Variants in ERI3 observed in about 807,000 individuals in gnomAD.
The protein encoded by ERI3 is ERI1 exoribonuclease 3.
Under a neutral mutation model 44.4 loss-of-function variants are expected in ERI3, and 18 were observed. The observed-to-expected ratio is 0.41, with a 90% CI of 0.28 to 0.60. The LOEUF (loss-of-function observed/expected upper bound fraction) is 0.60. ERI3 is among the 20% of genes least tolerant of loss of function. The pLI is 0.36. For synonymous variants in ERI3, 183 were observed against 164.8 expected (o/e 1.11, Z -0.84); for missense variants, 294 against 435.5 (o/e 0.68, Z 2.89).
intron 7 of ERI3, among the ~76,000 whole-genome samples, chr1:44,261,947 C>T (rs1557797697): frequency 6.6e-6 from 1 of 152,208 alleles, no homozygotes. Context: ...TTTTCCTGCT[C>T]TTTCAGCAGA....
intron 6 of ERI3, among the ~76,000 whole-genome samples, chr1:44,289,085 C>T (rs1042030454): frequency 1.3e-5 from 2 of 152,222 alleles, no homozygotes; most frequent in African/African-American, 4.8e-5. Context: ...AAATTTTATG[C>T]ACCGAGTCCA....
chr1:44,352,080 A>C (rs1294326970), intron 2 of ERI3, among the ~76,000 whole-genome samples: 1 of 152,170 alleles, frequency 6.6e-6, no homozygotes, highest in Admixed American at 6.5e-5. Flanking sequence ...CTTGTTCACC[A>C]CTACAATCCC....
chr1:44,241,096 G>C lies in ERI3; in HGVS notation c.931+6843C>G, dbSNP rs1019422532. Among the ~76,000 whole-genome samples, 3 of 152,132 alleles carry C rather than the reference G, an allele frequency of 2.0e-5. No individual in the cohort carries two copies. The highest frequency in any genetic ancestry group is 4.4e-5 in the Non-Finnish European group (3 of 68,002). ...TGCCACTGGAGTGAAGGCTGTCTGTGCCACTCTAGGGATTGATTCTCAGGG... is the reference window on the plus strand; with the variant it reads ...TGCCACTGGAGTGAAGGCTGTCTGTCCCACTCTAGGGATTGATTCTCAGGG... On this transcript the variant is annotated intron_variant, in intron 8 of 8. Coordinates refer to ENST00000372257, the MANE Select transcript of ERI3 (RefSeq NM_024066.3). This position sits in a 1 kb window ranked among gnomAD's most constrained non-coding sequence, Gnocchi z 5.6.
At position 44,223,015 on chromosome 1, in the gene ERI3, C is replaced by G. The variant is rs803367; in HGVS notation, c.932-1375G>C. Among the ~76,000 whole-genome samples the G allele has an allele frequency of 3.3e-3, 498 of 152,340 alleles. 3 individuals carry two copies. The highest frequency in any genetic ancestry group is 0.011 in the African/African-American group (466 of 41,578). On this transcript the variant is annotated intron_variant, in intron 8 of 8. Coordinates refer to ENST00000372257, the MANE Select transcript of ERI3 (RefSeq NM_024066.3). ...CAGGCCCTGTATCACTAGCCAGATC[C>G]TAGCTCTGCAGAGCCTGCTTTGGGC... is the stretch of plus-strand genomic sequence containing the variant.
chr1:44,247,794 C>T (rs533779053), intron 8 of ERI3, 145 bp downstream of exon 8: 2 of 562,826 alleles, frequency 3.6e-6, no homozygotes, highest in Non-Finnish European at 6.1e-6. Flanking sequence ...TCATGCCACC[C>T]CCCTTCCACC....
intron 5 of ERI3, among the ~76,000 whole-genome samples, chr1:44,311,600 CAG>C (rs1645974374): frequency 6.6e-6 from 1 of 152,098 alleles, no homozygotes; most frequent in Admixed American, 6.5e-5. Context: ...CTAGGGTTAA[CAG>C]GGGGTTGCCT....
chr1:44,248,785 G>A (rs1025173192), intron 7 of ERI3, among the ~76,000 whole-genome samples: 1 of 151,776 alleles, frequency 6.6e-6, no homozygotes, highest in African/African-American at 2.4e-5. Context: ...TATTCAAAGC[G>A]GCCACCCATC....
At chr1:44,285,820 C>T (rs1374132939) in intron 6 of ERI3, among the ~76,000 whole-genome samples, 1 of 152,208 alleles carries the variant, frequency 6.6e-6, no homozygotes, top group Non-Finnish European at 1.5e-5. Context: ...GAAGACAATA[C>T]TGGAAGTATC....
intron 2 of ERI3, among the ~76,000 whole-genome samples, chr1:44,346,721 T>A (rs1646790781): frequency 2.0e-5 from 3 of 152,164 alleles, no homozygotes; most frequent in Non-Finnish European, 4.4e-5. Flanking sequence ...AGCAAGGAGT[T>A]ATATAATCTA....
chr1:44,354,972 C>T lies in ERI3; in HGVS notation c.55G>A (p.Gly19Arg), dbSNP rs776030658. Residue 19 changes from glycine (G) to arginine (R), a missense_variant, in exon 1 of 9, where the codon GGG becomes AGG. Physicochemically the swap from Gly to Arg is moderately radical, Grantham distance 125 (BLOSUM62 -2). Around this residue, in one of 2 missense-constraint regions of ERI3, gnomAD observed 107 missense variants for 96.9 expected, o/e 1.10. Coordinates refer to ENST00000372257, the MANE Select transcript of ERI3 (RefSeq NM_024066.3). The stretch of plus-strand genomic sequence containing the variant: ...GGGGCGGGGGGCCAGGAGACCAGCC[C>T]TCCTTCCCAGGGCCGCCCCCGCCCC... ...DGGRGRPWEG[G>R]LVSWPPAPPL... The T allele has an allele frequency of 2.2e-6, 3 of 1,363,196 alleles. No individual in the cohort carries two copies. The highest frequency in any genetic ancestry group is 3.0e-5 in the African/African-American group (2 of 66,848). The allele number at this position is 1,363,196 out of a possible 1,614,324, so 84.4% of individuals were successfully genotyped here.
rs148455416 is a variant in ERI3, at chr1:44,232,499, A to G, written c.932-10859T>C. On this transcript the variant is annotated intron_variant, in intron 8 of 8. Coordinates refer to ENST00000372257, the MANE Select transcript of ERI3 (RefSeq NM_024066.3). ...ATGGCTTGCAATATAAGTTGACTAA[A>G]CACCCCTCAGTTCCACAAAATCATC... Among the ~76,000 whole-genome samples the G allele has an allele frequency of 1.1e-3, 166 of 152,256 alleles. 4 individuals carry two copies. The East Asian group carries it at 0.015, about 14-fold the overall frequency.
At chr1:44,286,159 T>C (rs979852037) in intron 6 of ERI3, among the ~76,000 whole-genome samples, 5 of 152,200 alleles carry the variant, frequency 3.3e-5, no homozygotes, top group East Asian at 3.8e-4. Flanking sequence ...ATGTGACATC[T>C]GGAGCAGGCC....
At chr1:44,294,537 G>A (rs1472630456) in intron 6 of ERI3, among the ~76,000 whole-genome samples, 2 of 152,182 alleles carry the variant, frequency 1.3e-5, no homozygotes, top group Non-Finnish European at 2.9e-5. Context: ...TAAGACAAGT[G>A]CCTCTCCGGT....
intron 6 of ERI3, among the ~76,000 whole-genome samples, chr1:44,291,241 T>C (rs1485696659): frequency 6.6e-6 from 1 of 152,216 alleles, no homozygotes; most frequent in Non-Finnish European, 1.5e-5. Context: ...ATTCACTCTC[T>C]TGGCCGCTGC....
intron 8 of ERI3, among the ~76,000 whole-genome samples, chr1:44,224,035 T>C (rs145160923): frequency 6.6e-6 from 1 of 152,320 alleles, no homozygotes; most frequent in African/African-American, 2.4e-5. Context: ...GGCACCATAA[T>C]CCACCCAAAA....
At chr1:44,351,059 A>T (rs1193060984) in intron 2 of ERI3, among the ~76,000 whole-genome samples, 2 of 150,634 alleles carry the variant, frequency 1.3e-5, no homozygotes, top group Non-Finnish European at 3.0e-5. Flanking sequence ...TTTGAGACAG[A>T]GTCTTGCTCT....
intron 8 of ERI3, among the ~76,000 whole-genome samples, chr1:44,224,422 G>C (rs1643984460): frequency 6.6e-6 from 1 of 152,202 alleles, no homozygotes; most frequent in South Asian, 2.1e-4. Flanking sequence ...ATGACAAAGT[G>C]GGTTTTGGAG....
At chr1:44,354,561 G>A (rs1442272402) in intron 1 of ERI3, 2 of 985,272 alleles carry the variant, frequency 2.0e-6, no homozygotes, top group African/African-American at 1.7e-5. Context: ...GAGGTAAACT[G>A]CTAACCTGGT....
chr1:44,307,006 C>G (rs971286332), intron 6 of ERI3, among the ~76,000 whole-genome samples: 3 of 152,240 alleles, frequency 2.0e-5, no homozygotes, highest in Non-Finnish European at 4.4e-5. Context: ...TTCCTCTACT[C>G]CTTTTCCATG....
Sources: allele counts gnomAD v4.1 joint callset (sites outside exome capture counted in the v4.1 genomes callset), GRCh38; gene constraint gnomAD v4.1.1; regional missense constraint gnomAD v4.1.1; non-coding constraint Gnocchi (gnomAD v3.1); transcripts MANE v1.5; gene names NCBI Gene and HGNC (gene_info 2026-07-23, HGNC 2026-07-21).